Variants in ARHGAP39 observed in about 807,000 individuals in gnomAD.
The protein encoded by ARHGAP39 is Rho GTPase activating protein 39.
Under a neutral mutation model 106.9 loss-of-function variants are expected in ARHGAP39, and 44 were observed. The ratio of observed to expected loss-of-function variants is 0.41; its 90% CI spans 0.32 to 0.53. The LOEUF (loss-of-function observed/expected upper bound fraction) is 0.53, where lower values mean the gene tolerates loss of function less well. Ranked by LOEUF, ARHGAP39 falls within the 20% of genes least tolerant of loss-of-function variation. ARHGAP39 has a pLI of 0.21. For synonymous variants in ARHGAP39, 768 were observed against 693.2 expected, an observed-to-expected ratio of 1.11 and a Z score of -1.69; for missense variants, 1,496 against 1,577.3, an observed-to-expected ratio of 0.95 and a Z score of 0.87.
intron 3 of ARHGAP39, among the ~76,000 whole-genome samples, chr8:144,576,362 G>GAAAAA (rs914862327): frequency 1.5e-5 from 2 of 132,310 alleles, no homozygotes; most frequent in Non-Finnish European, 3.3e-5. Context: ...AAAAAAGAAC[G>GAAAAA]AAAAAAAACC....
chr8:144,698,740 C>T, the ARHGAP39 span: 10 of 447,556 alleles, frequency 2.2e-5, no homozygotes, highest in Non-Finnish European at 2.7e-5. Context: ...ACTGAGAGGA[C>T]GAAGGCCTTT....
chr8:144,642,688 C>T (rs1441413979), intron 1 of ARHGAP39, among the ~76,000 whole-genome samples: 1 of 151,976 alleles, frequency 6.6e-6, no homozygotes, highest in Non-Finnish European at 1.5e-5. Context: ...TCATGAGATC[C>T]GATGGTTTTA....
Position 144,548,144 on chromosome 8 carries a change from C to T in ARHGAP39, c.942G>A (p.Glu314=). The T allele has an allele frequency of 6.4e-7, 1 of 1,572,452 alleles. No homozygotes were observed. The highest frequency in any genetic ancestry group is 8.6e-7 in the Non-Finnish European group (1 of 1,158,408). ...PRYGYEPPLY[E]EPPVEYQAPI... ...GGGCCTGGTACTCCACTGGGGGCTC[C>T]TCGTAGAGCGGGGGTTCATAGCCAT... Residue 314 remains glutamate, a synonymous_variant, in exon 5 of 12, where the codon GAG becomes GAA. Coordinates refer to ENST00000377307, the MANE Select transcript of ARHGAP39 (RefSeq NM_025251.3). This position sits in a 1 kb window ranked among gnomAD's most constrained non-coding sequence, Gnocchi z 7.4.
chr8:144,619,657 C>T (rs1366448996), intron 1 of ARHGAP39, among the ~76,000 whole-genome samples: 1 of 145,384 alleles, frequency 6.9e-6, no homozygotes, highest in African/African-American at 2.6e-5. Context: ...CGTGCATGAG[C>T]CTGTGTACCT....
At chr8:144,611,625 C>A (rs1035679644) in intron 1 of ARHGAP39, among the ~76,000 whole-genome samples, 1 of 152,204 alleles carries the variant, frequency 6.6e-6, no homozygotes, top group South Asian at 2.1e-4. Flanking sequence ...GAAATCAGTA[C>A]ATTTGATATT....
rs1017167438 is a variant in ARHGAP39 at position 144,646,625 on chromosome 8, T to C, written c.-82+39061A>G. ...CCGCACAATGTTAGAGCTCTGCGCC[T>C]GGGCTACCTTCATTAAAAGTGAAGT... On this transcript the variant is annotated intron_variant, in intron 1 of 11. Coordinates refer to ENST00000377307, the MANE Select transcript of ARHGAP39 (RefSeq NM_025251.3). This position sits in a 1 kb window ranked among gnomAD's most constrained non-coding sequence, Gnocchi z 5.7. Among the ~76,000 whole-genome samples, 3 of 152,180 alleles carry C rather than the reference T, an allele frequency of 2.0e-5. No homozygotes were observed. The highest frequency in any genetic ancestry group is 7.2e-5 in the African/African-American group (3 of 41,448).
At chr8:144,540,256 T>C (rs1817133319) in intron 6 of ARHGAP39, among the ~76,000 whole-genome samples, 1 of 152,092 alleles carries the variant, frequency 6.6e-6, no homozygotes, top group Non-Finnish European at 1.5e-5. Context: ...ATTAGCCAGG[T>C]GCGGTGGTTC....
chr8:144,657,624 T>G (rs1425496288), intron 1 of ARHGAP39, among the ~76,000 whole-genome samples: 1 of 152,154 alleles, frequency 6.6e-6, no homozygotes, highest in African/African-American at 2.4e-5. Context: ...AATCCAGCAA[T>G]AAAGGATAAC....
chr8:144,663,495 C>T (rs115789976), intron 1 of ARHGAP39, among the ~76,000 whole-genome samples: 21 of 152,164 alleles, frequency 1.4e-4, no homozygotes, highest in Non-Finnish European at 2.1e-4. Flanking sequence ...ATGTCTCCAA[C>T]GCCTCTCACC....
At position 144,537,803 on chromosome 8, in the gene ARHGAP39, G is replaced by A; in HGVS notation, c.2532C>T (p.His844=). The A allele has an allele frequency of 6.2e-7, 1 of 1,614,056 alleles. No individual in the cohort carries two copies. The part of the protein sequence containing the change: ...DPVNDTKVTQ[H]IKELLERNTK... ...TGTTTCTTTCCAGGAGCTCTTTTAT[G>A]TGCTGTGTCACTGGGGAGCAAAGAC... is the stretch of plus-strand genomic sequence containing the variant. The change falls in exon 7 of 12, where the codon CAC becomes CAT. Residue 844 remains histidine, a synonymous_variant. Transcript: ENST00000377307.
rs1221644908 is a variant in ARHGAP39, at chr8:144,585,938, G to T, written c.81-4661C>A. ...GGCATCCCTGCACCCCCATGGCTCA[G>T]CCAGGCTCTCCACTCTTGTTACCTG... On this transcript the variant is annotated intron_variant, in intron 2 of 11. Coordinates refer to ENST00000377307, the MANE Select transcript of ARHGAP39 (RefSeq NM_025251.3). This position sits in a 1 kb window ranked among gnomAD's most constrained non-coding sequence, Gnocchi z 4.6. Among the ~76,000 whole-genome samples the T allele has an allele frequency of 6.6e-6, 1 of 152,196 alleles. No homozygotes were observed. Among genetic ancestry groups the T allele is most frequent in the Non-Finnish European group, 1.5e-5 (1 of 68,024 alleles).
rs941713840 is a variant in ARHGAP39 at position 144,529,700 on chromosome 8, A to C, written c.*722T>G. 2 of 152,194 alleles carry C rather than the reference A, an allele frequency of 1.3e-5. No homozygotes were observed. The highest frequency in any genetic ancestry group is 2.9e-5 in the Non-Finnish European group (2 of 68,016). The allele number at this position is 152,194 out of a possible 1,614,324, so 9.4% of individuals were successfully genotyped here. ...TTCTTATATCTTTCCCTCTATTTAT[A>C]TCTCTATACACGGTGGGCTGCGATG... On this transcript the variant is annotated 3_prime_UTR_variant, in exon 12 of 12. Transcript: ENST00000377307.
intron 3 of ARHGAP39, among the ~76,000 whole-genome samples, chr8:144,560,643 CTG>C (rs1001521775): frequency 2.6e-5 from 4 of 152,182 alleles, no homozygotes; most frequent in African/African-American, 9.7e-5. Flanking sequence ...CAAAAGATGA[CTG>C]GGGTCCTGCA....
Position 144,646,096 on chromosome 8 carries a change from C to T in ARHGAP39, c.-82+39590G>A, listed in dbSNP as rs1359271522. Among the ~76,000 whole-genome samples the T allele has an allele frequency of 6.6e-6, 1 of 152,242 alleles. No individual in the cohort carries two copies. Among genetic ancestry groups the T allele is most frequent in the Non-Finnish European group, 1.5e-5 (1 of 68,044 alleles). ...CCGGAGCTGCACTGGTCACCCCTCCCCACCGGTGGCACCAAATGTCCGCCA... is the reference window on the plus strand; with the variant it reads ...CCGGAGCTGCACTGGTCACCCCTCCTCACCGGTGGCACCAAATGTCCGCCA... On this transcript the variant is annotated intron_variant, in intron 1 of 11. Transcript: ENST00000377307. This position sits in a 1 kb window ranked among gnomAD's most constrained non-coding sequence, Gnocchi z 5.7.
intron 1 of ARHGAP39, among the ~76,000 whole-genome samples, chr8:144,618,762 G>A (rs1025769159): frequency 3.9e-5 from 6 of 152,360 alleles, no homozygotes; most frequent in Non-Finnish European, 8.8e-5. Context: ...CGCAGTGCTG[G>A]GCTTCCTGGG....
Position 144,679,173 on chromosome 8 carries a change from G to A in ARHGAP39, c.-82+6513C>T, listed in dbSNP as rs141187988. The stretch of plus-strand genomic sequence containing the variant: ...GCCGGCTCCAGCGTCCAGCATCTGC[G>A]GCTGAGGGGAGACATCCAGCTGCAC... On this transcript the variant is annotated intron_variant, in intron 1 of 11. Transcript: ENST00000377307. The surrounding 1 kb of genome is among the most constrained non-coding windows in gnomAD (Gnocchi z 4.7). Among the ~76,000 whole-genome samples the A allele has an allele frequency of 2.2e-3, 339 of 152,296 alleles. 4 individuals are homozygous for A. Among genetic ancestry groups the A allele is most frequent in the African/African-American group, 3.2e-3 (132 of 41,562 alleles).
At chr8:144,653,420 C>T (rs1055819147) in intron 1 of ARHGAP39, among the ~76,000 whole-genome samples, 9 of 152,142 alleles carry the variant, frequency 5.9e-5, no homozygotes, top group East Asian at 5.8e-4. Flanking sequence ...GTTATAAACA[C>T]GCACAACACC....
At chr8:144,581,510 G>C (rs1186519358) in intron 2 of ARHGAP39, among the ~76,000 whole-genome samples, 1 of 152,342 alleles carries the variant, frequency 6.6e-6, no homozygotes. Context: ...GGGGGTCCTG[G>C]GCCCCACGTG....
intron 3 of ARHGAP39, among the ~76,000 whole-genome samples, chr8:144,580,330 A>G (rs932344501): frequency 2.0e-5 from 3 of 152,080 alleles, no homozygotes; most frequent in Non-Finnish European, 4.4e-5. Context: ...CCACATCTGC[A>G]TCTCCCATCA....
Sources: gnomAD v4.1 joint callset for allele counts (sites outside exome capture counted in the v4.1 genomes callset) on GRCh38, gnomAD v4.1.1 for gene constraint, Gnocchi (gnomAD v3.1) non-coding constraint, MANE v1.5 for transcripts, NCBI Gene and HGNC (gene_info 2026-07-23, HGNC 2026-07-21) for gene names.